The following GRIA2 variants were observed in gnomAD, a reference collection of about 807,000 sequenced individuals.
GRIA2 encodes glutamate receptor 2.
GRIA2 carries 14 observed loss-of-function variants against 97.3 expected under a neutral mutation model. That is an observed-to-expected ratio of 0.14 (90% CI 0.10 to 0.23). GRIA2 has a LOEUF of 0.23. GRIA2 is among the 10% of genes least tolerant of loss of function. The probability of loss-of-function intolerance (pLI) is 1.00; values close to 1 mark genes in which losing one functional copy is unlikely to be tolerated. For synonymous variants in GRIA2, 412 were observed against 387.8 expected (o/e 1.06, Z -0.73); for missense variants, 558 against 1,069.8 (o/e 0.52, Z 6.67).
chr4:157,285,407 G>T (rs942646799), intron 2 of GRIA2, among the ~76,000 whole-genome samples: 5 of 151,516 alleles, frequency 3.3e-5, no homozygotes, highest in Admixed American at 3.3e-4. Flanking sequence ...TTAAAGTAGA[G>T]GAATTTATAA....
chr4:157,221,213 CATGTAGACTT>C, intron 1 of GRIA2, 83 bp downstream of exon 1: 7 of 786,946 alleles, frequency 8.9e-6, no homozygotes, highest in South Asian at 8.5e-5. Flanking sequence ...TAATTCATGT[CATGTAGACTT>C]ATGTCATACC....
At chr4:157,333,080 C>G in intron 7 of GRIA2, 94 bp downstream of exon 7, 1 of 1,053,364 alleles carries the variant, frequency 9.5e-7, no homozygotes, top group Non-Finnish European at 1.4e-6. Context: ...TTCCTTGTGT[C>G]TAATATACAG....
intron 5 of GRIA2, among the ~76,000 whole-genome samples, chr4:157,320,456 G>A (rs1399944542): frequency 6.6e-6 from 1 of 152,012 alleles, no homozygotes; most frequent in Admixed American, 6.6e-5. Flanking sequence ...AACTTAACTG[G>A]AACATACCTA....
chr4:157,244,520 T>A (rs1276263238), intron 2 of GRIA2, among the ~76,000 whole-genome samples: 2 of 152,070 alleles, frequency 1.3e-5, no homozygotes, highest in Non-Finnish European at 2.9e-5. Context: ...GGATTTGGAT[T>A]TTTCCTTTCT....
Position 157,363,744 on chromosome 4 carries a change from T to A in GRIA2, c.*313T>A, listed in dbSNP as rs1385187386. On this transcript the variant is annotated 3_prime_UTR_variant, in exon 16 of 16. Coordinates refer to ENST00000264426, the MANE Select transcript of GRIA2 (RefSeq NM_001083619.3). The stretch of plus-strand genomic sequence containing the variant: ...GGAGTTCATCTTGAATTGTAAGGAA[T>A]GATTAATTAAAACACAACATCTTTT... 4.9e-6 allele frequency: 2 copies of A among 412,272 alleles called. No individual in the cohort carries two copies. Among genetic ancestry groups the A allele is most frequent in the African/African-American group, 4.1e-5 (2 of 48,850 alleles). The allele number at this position is 412,272 out of a possible 1,614,324, so 25.5% of individuals were successfully genotyped here. A position where few individuals can be genotyped will look rare whatever the true frequency, so the allele number is the denominator to read the frequency against.
Position 157,336,430 on chromosome 4 carries a change from G to A in GRIA2, c.1527G>A (p.Val509=). 1 of 1,605,538 alleles carries A rather than the reference G, an allele frequency of 6.2e-7. No individual in the cohort carries two copies. Among genetic ancestry groups the A allele is most frequent in the Non-Finnish European group, 8.5e-7 (1 of 1,174,976 alleles). The change falls in exon 11 of 16, where the codon GTG becomes GTA. Residue 509 remains valine, a synonymous_variant. Coordinates refer to ENST00000264426, the MANE Select transcript of GRIA2 (RefSeq NM_001083619.3). ...CTATTACCCTTGTGAGAGAAGAGGT[G>A]ATTGACTTCTCAAAGCCCTTCATGA... ...PLTITLVREE[V]IDFSKPFMSL...
intron 2 of GRIA2, among the ~76,000 whole-genome samples, chr4:157,277,111 T>C (rs1254888768): frequency 6.6e-6 from 1 of 151,786 alleles, no homozygotes; most frequent in African/African-American, 2.4e-5. Context: ...GATCAATATC[T>C]CTCATGAACA....
At chr4:157,349,349 A>G (rs1251076831) in intron 12 of GRIA2, among the ~76,000 whole-genome samples, 1 of 150,888 alleles carries the variant, frequency 6.6e-6, no homozygotes. Flanking sequence ...GTTTTTGTAC[A>G]TTTCCTTATT....
At chr4:157,284,242 T>C (rs934614102) in intron 2 of GRIA2, among the ~76,000 whole-genome samples, 1 of 151,820 alleles carries the variant, frequency 6.6e-6, no homozygotes, top group East Asian at 1.9e-4. Context: ...CAGCATTTAT[T>C]TCTTAACACA....
Position 157,321,519 on chromosome 4 carries a change from T to G in GRIA2, c.802T>G (p.Ser268Ala), listed in dbSNP as rs140170280. Residue 268 changes from serine (S) to alanine (A), a missense_variant, in exon 6 of 16, where the codon TCG (serine) becomes GCG (alanine). By Grantham distance (99) the Ser-to-Ala change is moderately conservative (BLOSUM62 1). Transcript: ENST00000264426. ...SGFQIVDYDD[S>A]LVSKFIERWS... is the part of the protein sequence containing the mutation. ...ATTTCAGATAGTGGACTATGATGAT[T>G]CGTTGGTATCTAAATTTATAGAAAG... The G allele has an allele frequency of 6.3e-4, 1,009 of 1,606,312 alleles. No individual in the cohort carries two copies. The highest frequency in any genetic ancestry group is 2.5e-3 in the Middle Eastern group (15 of 6,032).
chr4:157,320,154 A>G (rs1734496919), intron 5 of GRIA2, among the ~76,000 whole-genome samples: 1 of 152,132 alleles, frequency 6.6e-6, no homozygotes, highest in East Asian at 1.9e-4. Flanking sequence ...CATTGAAAAA[A>G]TGGGACATGA....
chr4:157,220,846 G>A lies in GRIA2; in HGVS notation c.-197G>A. ...CGGACTTCTGGAGCGGGGACAGGGC[G>A]CAGGGCATCAGCAGCCACCAGCAGG... On this transcript the variant is annotated 5_prime_UTR_variant, in exon 1 of 16. Coordinates refer to ENST00000264426, the MANE Select transcript of GRIA2 (RefSeq NM_001083619.3). 1 of 587,574 alleles carries A rather than the reference G, an allele frequency of 1.7e-6. No individual in the cohort carries two copies. Among genetic ancestry groups the A allele is most frequent in the Non-Finnish European group, 3.0e-6 (1 of 329,788 alleles). 36.4% of individuals were successfully genotyped at this position (587,574 alleles called of 1,614,324 possible).
intron 12 of GRIA2, chr4:157,342,105 A>G: frequency 2.1e-6 from 2 of 973,226 alleles, no homozygotes; most frequent in Non-Finnish European, 2.4e-6. Context: ...CTTTCTTTCT[A>G]CTATTGTGTG....
At chr4:157,245,471 T>G (rs1730691866) in intron 2 of GRIA2, among the ~76,000 whole-genome samples, 1 of 152,118 alleles carries the variant, frequency 6.6e-6, no homozygotes, top group Admixed American at 6.6e-5. Flanking sequence ...ATTAAGATAC[T>G]TATGATTTCT....
chr4:157,306,601 A>T (rs1355924814), intron 3 of GRIA2, among the ~76,000 whole-genome samples: 1 of 152,210 alleles, frequency 6.6e-6, no homozygotes, highest in Admixed American at 6.6e-5. Flanking sequence ...AAAATATTTC[A>T]GTGGCCTTCT....
At chr4:157,262,482 G>A (rs372004971) in intron 2 of GRIA2, among the ~76,000 whole-genome samples, 2 of 152,086 alleles carry the variant, frequency 1.3e-5, no homozygotes, top group East Asian at 3.9e-4. Context: ...CACCAAACCA[G>A]TTATGAACTC....
At chr4:157,293,918 AT>A (rs1219187088) in intron 2 of GRIA2, among the ~76,000 whole-genome samples, 1 of 152,134 alleles carries the variant, frequency 6.6e-6, no homozygotes, top group Non-Finnish European at 1.5e-5. Flanking sequence ...TTCCTTGGCA[AT>A]TTAGAGATGA....
At position 157,305,815 on chromosome 4, in the gene GRIA2, C is replaced by T. The variant is rs569607045; in HGVS notation, c.469+2024C>T. 3.3e-5 allele frequency among the ~76,000 whole-genome samples: 5 copies of T among 152,022 alleles called. No individual in the cohort carries two copies. The East Asian group carries it at 7.8e-4, about 24-fold the overall frequency. ...TGTTCATTCTGTCACTTAAGAATTG[C>T]CTATTGAGCCCCTGCTATGTTCCAG... On this transcript the variant is annotated intron_variant, in intron 3 of 15. Coordinates refer to ENST00000264426, the MANE Select transcript of GRIA2 (RefSeq NM_001083619.3).
At chr4:157,336,002 A>G in intron 10 of GRIA2, 125 bp downstream of exon 10, 1 of 703,152 alleles carries the variant, frequency 1.4e-6, no homozygotes, top group South Asian at 1.7e-5. Context: ...TAGAAACATT[A>G]TCTTGTTGAT....
Sources: gnomAD v4.1 joint callset for allele counts (sites outside exome capture counted in the v4.1 genomes callset) on GRCh38, gnomAD v4.1.1 for gene constraint, MANE v1.5 for transcripts, NCBI Gene and HGNC (gene_info 2026-07-23, HGNC 2026-07-21) for gene names.